The following VDAC1 variants were observed in gnomAD, a reference collection of about 807,000 sequenced individuals.
The protein encoded by VDAC1 is non-selective voltage-gated ion channel VDAC1.
Under a neutral mutation model 34.7 loss-of-function variants are expected in VDAC1, and 10 were observed. The observed-to-expected ratio is 0.29, with a 90% CI of 0.18 to 0.49. The LOEUF (loss-of-function observed/expected upper bound fraction) is 0.49. Ranked by LOEUF, VDAC1 falls within the 20% of genes least tolerant of loss-of-function variation. VDAC1 has a pLI of 0.99. For missense variants in VDAC1, 230 were observed against 347.9 expected (o/e 0.66, Z 2.69); for synonymous variants, 130 against 136.0 (o/e 0.96, Z 0.30).
chr5:133,999,902 G>A (rs765167854), intron 1 of VDAC1, among the ~76,000 whole-genome samples: 2 of 151,952 alleles, frequency 1.3e-5, no homozygotes, highest in Non-Finnish European at 2.9e-5. Flanking sequence ...CTCTGGCCCC[G>A]CTGTTTCACC....
At chr5:134,020,451 C>T in the VDAC1 span, among the ~76,000 whole-genome samples, 1 of 152,092 alleles carries the variant, frequency 6.6e-6, no homozygotes, top group African/African-American at 2.4e-5. Context: ...CCTTGTATCG[C>T]TAAACCCCAA....
chr5:134,093,702 C>G, the VDAC1 span, among the ~76,000 whole-genome samples: 1 of 152,218 alleles, frequency 6.6e-6, no homozygotes, highest in Non-Finnish European at 1.5e-5. Flanking sequence ...TTCGATCAGG[C>G]TCAAAGCAGT....
At chr5:134,071,156 C>G in the VDAC1 span, among the ~76,000 whole-genome samples, 2 of 152,222 alleles carry the variant, frequency 1.3e-5, no homozygotes, top group Non-Finnish European at 2.9e-5. The surrounding 1 kb of genome is among the most constrained non-coding windows in gnomAD (Gnocchi z 4.1). Flanking sequence ...CCGAGGGGAT[C>G]CTCGGCCCAG....
chr5:134,067,457 A>G, the VDAC1 span, among the ~76,000 whole-genome samples: 4 of 147,528 alleles, frequency 2.7e-5, no homozygotes, highest in East Asian at 6.0e-4. Context: ...AAAAAGTTAT[A>G]TATTCTGTTT....
At chr5:134,011,100 A>G in the VDAC1 span, among the ~76,000 whole-genome samples, 1 of 151,770 alleles carries the variant, frequency 6.6e-6, no homozygotes, top group Non-Finnish European at 1.5e-5. Context: ...ATTTTTTAAT[A>G]TGTTTCTTGG....
At chr5:134,044,041 GCA>G in the VDAC1 span, among the ~76,000 whole-genome samples, 5 of 152,164 alleles carry the variant, frequency 3.3e-5, no homozygotes, top group Admixed American at 2.0e-4. Context: ...CAGCTGATGA[GCA>G]CAGACTGCGA....
chr5:134,055,627 A>C, the VDAC1 span, among the ~76,000 whole-genome samples: 2 of 90,340 alleles, frequency 2.2e-5, no homozygotes, highest in Non-Finnish European at 2.1e-5. Flanking sequence ...TTTAGTAGAG[A>C]CAGGGTTTCA....
the VDAC1 span, among the ~76,000 whole-genome samples, chr5:134,028,727 C>T: frequency 1.3e-4 from 20 of 152,294 alleles, no homozygotes; most frequent in African/African-American, 4.6e-4. Context: ...GCCAGCCAAA[C>T]CACTGGTAGG....
At chr5:134,025,854 C>T in the VDAC1 span, among the ~76,000 whole-genome samples, 5 of 152,118 alleles carry the variant, frequency 3.3e-5, no homozygotes, top group African/African-American at 9.7e-5. Context: ...CCTCAGCCTC[C>T]CAAATGGAGG....
At chr5:134,057,479 C>CA in the VDAC1 span, among the ~76,000 whole-genome samples, 11,026 of 119,288 alleles carry the variant, frequency 0.092, 703 homozygotes, top group South Asian at 0.18. Flanking sequence ...GGCTCCGTCT[C>CA]AAAAAAAAAA....
At chr5:134,098,505 G>A in the VDAC1 span, among the ~76,000 whole-genome samples, 7 of 152,316 alleles carry the variant, frequency 4.6e-5, no homozygotes, top group East Asian at 5.8e-4. Flanking sequence ...GATTACAGGC[G>A]TGAGCCACCA....
At chr5:134,050,768 G>A in the VDAC1 span, among the ~76,000 whole-genome samples, 2 of 152,218 alleles carry the variant, frequency 1.3e-5, no homozygotes, top group African/African-American at 4.8e-5. Context: ...TTGGAGATGA[G>A]GGTGTCACTG....
chr5:133,997,677 C>T (rs1425551636), intron 1 of VDAC1, among the ~76,000 whole-genome samples: 2 of 135,060 alleles, frequency 1.5e-5, no homozygotes, highest in African/African-American at 5.6e-5. Flanking sequence ...CACTGCACTC[C>T]AGCCTGGATG....
intron 1 of VDAC1, among the ~76,000 whole-genome samples, chr5:133,996,036 G>C (rs1484302097): frequency 6.6e-6 from 1 of 152,196 alleles, no homozygotes; most frequent in Non-Finnish European, 1.5e-5. Flanking sequence ...TTCACAAGCT[G>C]AGCCTCTAGA....
At chr5:134,058,158 G>A in the VDAC1 span, among the ~76,000 whole-genome samples, 1 of 152,182 alleles carries the variant, frequency 6.6e-6, no homozygotes, top group African/African-American at 2.4e-5. Flanking sequence ...AAAGTGTTGA[G>A]ATTACAAGTG....
the VDAC1 span, among the ~76,000 whole-genome samples, chr5:134,111,667 A>T: frequency 6.6e-6 from 1 of 152,024 alleles, no homozygotes; most frequent in East Asian, 1.9e-4. Context: ...GGCCCCCTTC[A>T]TGCAACATGA....
chr5:133,995,651 C>G (rs2126993774), intron 1 of VDAC1, among the ~76,000 whole-genome samples: 1 of 152,196 alleles, frequency 6.6e-6, no homozygotes, highest in African/African-American at 2.4e-5. Flanking sequence ...CGGCCCATCC[C>G]CTGCTGCACT....
chr5:134,072,005 A>G, the VDAC1 span, among the ~76,000 whole-genome samples: 1 of 152,234 alleles, frequency 6.6e-6, no homozygotes, highest in East Asian at 1.9e-4. Flanking sequence ...GTTGTGTGGA[A>G]GTTGTTTCTG....
At chr5:134,013,053 A>C in the VDAC1 span, among the ~76,000 whole-genome samples, 4 of 152,376 alleles carry the variant, frequency 2.6e-5, no homozygotes, top group South Asian at 8.3e-4. Context: ...CAGAAGAATG[A>C]AACTGGACCC....
Sources: allele counts gnomAD v4.1 joint callset (sites outside exome capture counted in the v4.1 genomes callset), GRCh38; gene constraint gnomAD v4.1.1; non-coding constraint Gnocchi (gnomAD v3.1); transcripts MANE v1.5; gene names NCBI Gene and HGNC (gene_info 2026-07-23, HGNC 2026-07-21).